Variants in LGALS4 observed in about 807,000 individuals in gnomAD.
LGALS4 encodes the protein galectin 4, also known as galectin-4.
In LGALS4, 37 loss-of-function variants were observed where a neutral mutation model predicts 39.6. The observed-to-expected ratio is 0.93, with a 90% CI of 0.72 to 1.23. The LOEUF (loss-of-function observed/expected upper bound fraction) is 1.23. Ranked by LOEUF, LGALS4 falls within the 50% of genes most tolerant of loss-of-function variation. LGALS4 has a pLI of 0.00. For missense variants in LGALS4, 397 were observed against 433.2 expected, an observed-to-expected ratio of 0.92 and a Z score of 0.74; for synonymous variants, 160 against 165.5, an observed-to-expected ratio of 0.97 and a Z score of 0.25.
intron 3 of LGALS4, 120 bp from the exon 4 acceptor site, chr19:38,806,715 G>A (rs903421451): frequency 2.0e-6 from 2 of 986,194 alleles, no homozygotes; most frequent in African/African-American, 1.6e-5. Flanking sequence ...GGGAGGCTGA[G>A]GGGGGTGGAT....
In LGALS4 at chr19:38,805,360, C is replaced by G. The variant is rs576769529; in HGVS notation, c.474+1101G>C. Among the ~76,000 whole-genome samples, 3 of 152,066 alleles carry G rather than the reference C, an allele frequency of 2.0e-5. No individual in the cohort carries two copies. The South Asian group carries it at 6.2e-4, about 32-fold the overall frequency. ...ACACTTCCTCCTACTCCAGGAAGCA[C>G]TTCCTTCCTGACCCATGACTAGTCA... is the stretch of plus-strand genomic sequence containing the variant. On this transcript the variant is annotated intron_variant, in intron 4 of 9. Transcript: ENST00000307751.
chr19:38,809,944 G>A (rs1971473109), intron 2 of LGALS4, among the ~76,000 whole-genome samples: 1 of 152,018 alleles, frequency 6.6e-6, no homozygotes, highest in African/African-American at 2.4e-5. Flanking sequence ...CAGCCAGAGG[G>A]TCCCTGTGTA....
intron 3 of LGALS4, 90 bp from the exon 4 acceptor site, chr19:38,806,685 G>C: frequency 7.1e-7 from 1 of 1,404,110 alleles, no homozygotes; most frequent in Non-Finnish European, 9.9e-7. Context: ...CCTGGCTCAC[G>C]CCTCTAATCC....
chr19:38,802,117 CTA>C lies in LGALS4; in HGVS notation c.698_699del (p.Ile233SerfsTer5). 6.2e-7 allele frequency: 1 copy of C among 1,614,100 alleles called. No individual in the cohort carries two copies. On this transcript the variant is annotated frameshift_variant, in exon 9 of 10. Coordinates refer to ENST00000307751, the MANE Select transcript of LGALS4 (RefSeq NM_006149.4). LOFTEE classifies it high-confidence loss of function. ...CCCATGCGGGGATTAATGTGCAGAG[CTA>C]TGTCCCCTGAGGAGCCCACCTTGAA... is the stretch of plus-strand genomic sequence containing the variant. ...INFKVGSSGD[I>X]ALHINPRMGN... is the part of the protein sequence containing the mutation.
chr19:38,808,839 C>T lies in LGALS4; in HGVS notation c.244G>A (p.Gly82Arg), dbSNP rs776980683. 1.7e-5 allele frequency: 27 copies of T among 1,614,134 alleles called. No individual in the cohort carries two copies. Among genetic ancestry groups the T allele is most frequent in the South Asian group, 1.2e-4 (11 of 91,086 alleles). The change falls in exon 3 of 10, where the codon GGG becomes AGG. Residue 82 changes from glycine to arginine, a missense_variant. Physicochemically the swap from Gly to Arg is moderately radical, Grantham distance 125. Coordinates refer to ENST00000307751, the MANE Select transcript of LGALS4 (RefSeq NM_006149.4). ...DKVVFNTLQG[G>R]KWGSEERKRS... is the part of the protein sequence containing the mutation. ...TTCCTCTCCTCGCTGCCCCACTTCC[C>T]GCCCTGCAACGTGTTGAAGACCACC...
rs191759909 is a variant in LGALS4, at chr19:38,802,484, C to A, written c.571-80G>T. 12 of 1,076,386 alleles carry A rather than the reference C, an allele frequency of 1.1e-5. No individual in the cohort carries two copies. In the East Asian group the frequency reaches 2.4e-4, roughly 21 times the overall value. The allele number at this position is 1,076,386 out of a possible 1,614,324, so 66.7% of individuals were successfully genotyped here. ...TGGGAAGAAATTTTCTTTTTCTTTT[C>A]TTTTCTTTCCTGTCTTTTTTTCTTA... is the stretch of plus-strand genomic sequence containing the variant. On this transcript the variant is annotated intron_variant, in intron 7 of 9. Transcript: ENST00000307751.
At chr19:38,809,964 C>T (rs886307938) in intron 2 of LGALS4, among the ~76,000 whole-genome samples, 10 of 152,136 alleles carry the variant, frequency 6.6e-5, no homozygotes, top group Non-Finnish European at 1.3e-4. Flanking sequence ...ACACCCATGA[C>T]GCATCATATT....
chr19:38,802,456 A>ATG, intron 7 of LGALS4, 52 bp from the exon 8 acceptor site: 1 of 1,365,084 alleles, frequency 7.3e-7, no homozygotes, highest in Non-Finnish European at 1.0e-6. Flanking sequence ...GCAGAGCCAG[A>ATG]TGTGGGAAGA....
Position 38,801,972 on chromosome 19 carries a change from A to G in LGALS4, c.825+20T>C. On this transcript the variant is annotated intron_variant, in intron 9 of 9. Transcript: ENST00000307751. Reference sequence around the variant, plus strand: ...GACTGAGGCCCTGGAAGGAAGTGGGAAAAGAGAGCTCAGACTCACATCAAA... The same window carrying G: ...GACTGAGGCCCTGGAAGGAAGTGGGGAAAGAGAGCTCAGACTCACATCAAA... 1 of 1,613,936 alleles carries G rather than the reference A, an allele frequency of 6.2e-7. No homozygotes were observed. Among genetic ancestry groups the G allele is most frequent in the South Asian group, 1.1e-5 (1 of 91,070 alleles).
chr19:38,808,707 A>T (rs748420764), intron 3 of LGALS4, 37 bp downstream of exon 3: 2 of 1,548,224 alleles, frequency 1.3e-6, no homozygotes, highest in Admixed American at 3.4e-5. Context: ...GCGCCACTGC[A>T]CTCCAGCTTG....
Position 38,812,892 on chromosome 19 carries a change from G to A in LGALS4, c.-6C>T, listed in dbSNP as rs199935607. 8.1e-6 allele frequency: 13 copies of A among 1,611,572 alleles called. No individual in the cohort carries two copies. Among genetic ancestry groups the A allele is most frequent in the South Asian group, 7.7e-5 (7 of 91,072 alleles). On this transcript the variant is annotated 5_prime_UTR_variant, in exon 1 of 10. Coordinates refer to ENST00000307751, the MANE Select transcript of LGALS4 (RefSeq NM_006149.4). ...GGTGCGGGGACATAGGCCATCGCTC[G>A]AGGCTGCGCTAGTGGCTGGTCCTGT...
At chr19:38,810,402 G>C (rs1328076552) in intron 2 of LGALS4, among the ~76,000 whole-genome samples, 1 of 116,328 alleles carries the variant, frequency 8.6e-6, no homozygotes, top group Non-Finnish European at 1.6e-5. Context: ...TCGCTCTTTC[G>C]CCCAGGCTGG....
At chr19:38,809,021 C>G in intron 2 of LGALS4, 73 bp from the exon 3 acceptor site, 1 of 1,322,112 alleles carries the variant, frequency 7.6e-7, no homozygotes, top group Non-Finnish European at 1.0e-6. Flanking sequence ...AGGAAGCCCT[C>G]TCCCTGCCGC....
At chr19:38,811,756 G>A (rs912016833) in intron 2 of LGALS4, among the ~76,000 whole-genome samples, 2 of 151,808 alleles carry the variant, frequency 1.3e-5, no homozygotes, top group South Asian at 2.1e-4. Context: ...GCTCACGCCT[G>A]TAATCCCAGC....
In LGALS4 at chr19:38,812,536, G is replaced by T; in HGVS notation, c.46-17C>A. 3 of 1,611,442 alleles carry T rather than the reference G, an allele frequency of 1.9e-6. No homozygotes were observed. Among genetic ancestry groups the T allele is most frequent in the Non-Finnish European group, 2.5e-6 (3 of 1,177,652 alleles). ...AGGCAGCGTCTGGAGAAGAGGCCTG[G>T]TGAGGGGACTCACAAGCCATCTGCC... On this transcript the variant is annotated splice_polypyrimidine_tract_variant and intron_variant, in intron 1 of 9. Coordinates refer to ENST00000307751, the MANE Select transcript of LGALS4 (RefSeq NM_006149.4).
chr19:38,810,899 C>CTTTTT (rs59517682), intron 2 of LGALS4, among the ~76,000 whole-genome samples: 1 of 125,036 alleles, frequency 8.0e-6, no homozygotes, highest in Non-Finnish European at 1.7e-5. Context: ...ACATATTTGA[C>CTTTTT]TTTTTTTTTT....
At chr19:38,810,653 C>T (rs1259664387) in intron 2 of LGALS4, among the ~76,000 whole-genome samples, 3 of 152,010 alleles carry the variant, frequency 2.0e-5, no homozygotes, top group African/African-American at 7.2e-5. Flanking sequence ...TGAGCCACCA[C>T]GCCCAGCCAG....
chr19:38,809,082 A>C, intron 2 of LGALS4, 134 bp from the exon 3 acceptor site: 1 of 693,986 alleles, frequency 1.4e-6, no homozygotes, highest in Non-Finnish European at 2.4e-6. Context: ...CTGAGGGGCA[A>C]CCTTGGCACT....
intron 7 of LGALS4, 47 bp from the exon 8 acceptor site, chr19:38,802,451 G>A: frequency 1.4e-6 from 2 of 1,403,426 alleles, no homozygotes; most frequent in Non-Finnish European, 2.0e-6. Context: ...GCTTAGCAGA[G>A]CCAGATGTGG....
Sources: gnomAD v4.1 joint callset for allele counts (sites outside exome capture counted in the v4.1 genomes callset) on GRCh38, gnomAD v4.1.1 for gene constraint, MANE v1.5 for transcripts, NCBI Gene and HGNC (gene_info 2026-07-23, HGNC 2026-07-21) for gene names.